Variants in WDR35 observed in about 807,000 individuals in gnomAD.
WDR35 encodes WD repeat domain 35, also known as WD repeat-containing protein 35.
Under a neutral mutation model 158.3 loss-of-function variants are expected in WDR35, and 118 were observed. That is an observed-to-expected ratio of 0.75 (90% CI 0.64 to 0.87). The LOEUF (loss-of-function observed/expected upper bound fraction) is 0.87. Ranked by LOEUF, WDR35 falls within the 40% of genes least tolerant of loss-of-function variation. The pLI is 0.00. For synonymous variants in WDR35, 448 were observed against 476.1 expected, an observed-to-expected ratio of 0.94 and a Z score of 0.77; for missense variants, 1,263 against 1,405.8, an observed-to-expected ratio of 0.90 and a Z score of 1.62.
intron 3 of WDR35, among the ~76,000 whole-genome samples, 157 bp from the exon 4 acceptor site, chr2:19,980,940 A>G (rs1672364144): frequency 2.0e-5 from 3 of 152,248 alleles, no homozygotes; most frequent in Non-Finnish European, 4.4e-5. Flanking sequence ...AGATGCAGTT[A>G]TTGATATCAC....
intron 25 of WDR35, among the ~76,000 whole-genome samples, chr2:19,924,543 G>A (rs962745365): frequency 1.3e-5 from 2 of 152,196 alleles, no homozygotes; most frequent in African/African-American, 2.4e-5. Context: ...CAGGCTGGGC[G>A]ACAGAGTGAG....
chr2:19,931,653 A>C (rs1290485320), intron 23 of WDR35, among the ~76,000 whole-genome samples: 1 of 152,154 alleles, frequency 6.6e-6, no homozygotes, highest in Non-Finnish European at 1.5e-5. Flanking sequence ...ACTCTTAGAA[A>C]ATGAGAGGTG....
In WDR35 at chr2:19,975,519, C is replaced by T. The variant is rs1672176853; in HGVS notation, c.570+11G>A. ...ATTGTATAAACAAGACTGATGCATA[C>T]ACTTACTTACCATAAAATTTCCTTG... is the stretch of plus-strand genomic sequence containing the variant. On this transcript the variant is annotated intron_variant, in intron 6 of 26. Transcript: ENST00000281405. The T allele has an allele frequency of 3.1e-6, 5 of 1,610,244 alleles. No individual in the cohort carries two copies. Among genetic ancestry groups the T allele is most frequent in the Non-Finnish European group, 4.2e-6 (5 of 1,177,570 alleles).
intron 16 of WDR35, 64 bp downstream of exon 16, chr2:19,945,722 T>C: frequency 6.3e-7 from 1 of 1,576,052 alleles, no homozygotes; most frequent in Non-Finnish European, 8.7e-7. Context: ...CAAAGGGGAA[T>C]CATCCAGGTT....
At chr2:19,918,707 T>C (rs1485239778) in intron 25 of WDR35, among the ~76,000 whole-genome samples, 1 of 152,150 alleles carries the variant, frequency 6.6e-6, no homozygotes, top group Non-Finnish European at 1.5e-5. Context: ...CCATCGTAAA[T>C]ATATATGGAC....
At chr2:19,986,527 C>T (rs1366171811) in intron 2 of WDR35, among the ~76,000 whole-genome samples, 1 of 152,154 alleles carries the variant, frequency 6.6e-6, no homozygotes, top group Non-Finnish European at 1.5e-5. Flanking sequence ...ATTCTGAATT[C>T]TCTTGTCTGG....
chr2:19,968,165 G>C (rs528795648), intron 9 of WDR35, among the ~76,000 whole-genome samples: 1 of 152,172 alleles, frequency 6.6e-6, no homozygotes, highest in African/African-American at 2.4e-5. Flanking sequence ...CAGAACCGAA[G>C]TGCACTTCTT....
In WDR35 at chr2:19,978,880, C is replaced by G. The variant is rs201147062; in HGVS notation, c.308-1G>C. The G allele has an allele frequency of 4.3e-6, 7 of 1,613,456 alleles. No individual in the cohort carries two copies. The Admixed American group carries it at 5.0e-5, about 12-fold the overall frequency. On this transcript the variant is annotated splice_acceptor_variant, in intron 4 of 26. Transcript: ENST00000281405. LOFTEE classifies it high-confidence loss of function. The stretch of plus-strand genomic sequence containing the variant: ...TTGATCATCTCCTCAATCCAAGAGC[C>G]TGTTTTCACAAATTTAAAAAATTAC...
chr2:19,940,632 T>C (rs1194971143), intron 17 of WDR35, among the ~76,000 whole-genome samples: 1 of 152,176 alleles, frequency 6.6e-6, no homozygotes, highest in African/African-American at 2.4e-5. Flanking sequence ...CCTCTCCCTC[T>C]TCCCCTCTGC....
intron 9 of WDR35, among the ~76,000 whole-genome samples, chr2:19,968,862 T>A (rs1219537479): frequency 2.0e-5 from 3 of 152,252 alleles, no homozygotes; most frequent in Non-Finnish European, 1.5e-5. Context: ...CTCCTTCTAA[T>A]CCATTCTCTG....
chr2:19,976,108 CT>C (rs1672201138), intron 5 of WDR35, among the ~76,000 whole-genome samples: 1 of 152,164 alleles, frequency 6.6e-6, no homozygotes, highest in Non-Finnish European at 1.5e-5. Flanking sequence ...GATCTAATCC[CT>C]TCCTACCTTT....
At chr2:19,985,541 A>T (rs901799744) in intron 2 of WDR35, among the ~76,000 whole-genome samples, 1 of 151,572 alleles carries the variant, frequency 6.6e-6, no homozygotes. Context: ...CAGCCCTTTA[A>T]ATACCTTTTG....
rs775925668 is a variant in WDR35 at position 19,966,861 on chromosome 2, G to A, written c.1057C>T (p.Arg353Cys). Residue 353 changes from arginine to cysteine, a missense_variant, in exon 10 of 27, where the codon CGT becomes TGT. By Grantham distance (180) the Arg-to-Cys change is radical. Transcript: ENST00000281405. ...TVVYAYTRPD[R>C]PEYCVVFWDT... is the part of the protein sequence containing the mutation. ...CAGAAGACAACACAATATTCTGGAC[G>A]ATCAGGTCTGGTATATGCATAAACT... 1.4e-5 allele frequency: 22 copies of A among 1,613,726 alleles called. No individual in the cohort carries two copies. The highest frequency in any genetic ancestry group is 1.1e-4 in the South Asian group (10 of 91,034).
chr2:19,975,437 G>A lies in WDR35; in HGVS notation c.570+93C>T, dbSNP rs558268126. 50 of 1,313,072 alleles carry A rather than the reference G, an allele frequency of 3.8e-5. No individual in the cohort carries two copies. The East Asian group carries it at 5.4e-4, about 14-fold the overall frequency. 81.3% of individuals were successfully genotyped at this position (1,313,072 alleles called of 1,614,324 possible). On this transcript the variant is annotated intron_variant, in intron 6 of 26. Transcript: ENST00000281405. Reference sequence around the variant, plus strand: ...ATTGAAGACTTTAATTACACAAACCGCCATAAAAAATAAATGTATATACAA... The same window carrying A: ...ATTGAAGACTTTAATTACACAAACCACCATAAAAAATAAATGTATATACAA...
intron 5 of WDR35, among the ~76,000 whole-genome samples, chr2:19,976,821 AT>A (rs34387618): frequency 0.47 from 67,050 of 143,110 alleles, 15,255 homozygotes; most frequent in East Asian, 0.64. Flanking sequence ...AATGTTGCTG[AT>A]TTTTTTTTTT....
chr2:19,953,364 A>T (rs1395863867), intron 12 of WDR35, among the ~76,000 whole-genome samples: 1 of 152,150 alleles, frequency 6.6e-6, no homozygotes, highest in Non-Finnish European at 1.5e-5. Context: ...CAAGAAAAAG[A>T]AGCTAAGTCC....
chr2:19,983,958 A>G (rs977381656), intron 2 of WDR35, among the ~76,000 whole-genome samples: 1 of 149,280 alleles, frequency 6.7e-6, no homozygotes, highest in South Asian at 2.1e-4. Flanking sequence ...TATTTGGTGG[A>G]AACATTTTTC....
At chr2:19,945,276 A>G (rs1671009954) in intron 16 of WDR35, among the ~76,000 whole-genome samples, 2 of 152,202 alleles carry the variant, frequency 1.3e-5, no homozygotes, top group African/African-American at 4.8e-5. Flanking sequence ...CTGCACTTGC[A>G]TATTTGTAAG....
intron 1 of WDR35, 104 bp downstream of exon 1, chr2:19,989,888 C>A: frequency 6.4e-7 from 1 of 1,555,188 alleles, no homozygotes; most frequent in Non-Finnish European, 8.7e-7. Flanking sequence ...GGCGAAGCCA[C>A]GACCAGGACC....
Sources: gnomAD v4.1 joint callset for allele counts (sites outside exome capture counted in the v4.1 genomes callset) on GRCh38, gnomAD v4.1.1 for gene constraint, MANE v1.5 for transcripts, NCBI Gene and HGNC (gene_info 2026-07-23, HGNC 2026-07-21) for gene names.